Variants in CNTN4 observed in about 807,000 individuals in gnomAD.
CNTN4 encodes the protein contactin-4.
CNTN4 carries 77 observed loss-of-function variants against 122.5 expected under a neutral mutation model. That is an observed-to-expected ratio of 0.63 (90% CI 0.52 to 0.76). CNTN4 has a LOEUF of 0.76. Ranked by LOEUF, CNTN4 falls within the 30% of genes least tolerant of loss-of-function variation. CNTN4 has a pLI of 0.00. For synonymous variants in CNTN4, 512 were observed against 447.0 expected (o/e 1.15, Z -1.83); for missense variants, 1,256 against 1,259.1 (o/e 1.00, Z 0.04).
At position 3,018,439 on chromosome 3, in the gene CNTN4, T is replaced by A. The variant is rs1697967742; in HGVS notation, c.1487-7663T>A. On this transcript the variant is annotated intron_variant, in intron 14 of 24. Coordinates refer to ENST00000418658, the MANE Select transcript of CNTN4 (RefSeq NM_175607.3). ...TTACATTTTAAGTACTAAAGCAATC[T>A]GAGCAACCCTCCCTTTCCTGTCTGG... Among the ~76,000 whole-genome samples, 4 of 152,214 alleles carry A rather than the reference T, an allele frequency of 2.6e-5. No homozygotes were observed. In the South Asian group the frequency reaches 8.3e-4, roughly 31 times the overall value.
intron 4 of CNTN4, among the ~76,000 whole-genome samples, chr3:2,717,579 T>C (rs1227544028): frequency 1.3e-5 from 2 of 152,218 alleles, no homozygotes; most frequent in East Asian, 3.8e-4. Flanking sequence ...AAGTCATAAC[T>C]GTGAGTATGA....
intron 2 of CNTN4, among the ~76,000 whole-genome samples, chr3:2,106,396 G>T (rs1338162550): frequency 6.6e-6 from 1 of 152,150 alleles, no homozygotes; most frequent in African/African-American, 2.4e-5. Flanking sequence ...GGACATCCAG[G>T]CATTTCCGTA....
At chr3:2,109,864 T>C (rs2032808440) in intron 2 of CNTN4, among the ~76,000 whole-genome samples, 2 of 152,202 alleles carry the variant, frequency 1.3e-5, no homozygotes, top group Admixed American at 1.3e-4. Context: ...CCAAGCATTA[T>C]TTTTAGTGTA....
At chr3:3,032,754 C>T (rs1391707482) in intron 16 of CNTN4, among the ~76,000 whole-genome samples, 2 of 152,242 alleles carry the variant, frequency 1.3e-5, no homozygotes, top group Non-Finnish European at 2.9e-5. Context: ...TCAAACTAAT[C>T]TTCCCTTTGC....
At position 2,518,237 on chromosome 3, in the gene CNTN4, A is replaced by ATGTG. The variant is rs1559628639; in HGVS notation, c.-88-53179_-88-53178insTGTG. On this transcript the variant is annotated intron_variant, in intron 3 of 24. Transcript: ENST00000418658. ...AATATGTGTGTGTGTGTGTGTGTGCACACACGCACATGCACGCATCTAGGC... is the reference window on the plus strand; with the variant it reads ...AATATGTGTGTGTGTGTGTGTGTGCATGTGCACACGCACATGCACGCATCTAGGC... 2.0e-5 allele frequency among the ~76,000 whole-genome samples: 3 copies of ATGTG among 147,502 alleles called. No homozygotes were observed. The South Asian group carries it at 6.4e-4, about 31-fold the overall frequency.
intron 3 of CNTN4, among the ~76,000 whole-genome samples, chr3:2,507,160 C>T (rs566703883): frequency 2.6e-5 from 4 of 152,044 alleles, no homozygotes; most frequent in Non-Finnish European, 5.9e-5. Context: ...CTCAGTTCTT[C>T]GGTATTCCAA....
Position 2,902,914 on chromosome 3 carries a change from A to C in CNTN4, c.1116A>C (p.Thr372=). The change falls in exon 12 of 25, where the codon ACA becomes ACC. Residue 372 remains threonine (T), a synonymous_variant. Coordinates refer to ENST00000418658, the MANE Select transcript of CNTN4 (RefSeq NM_175607.3). ...IQIEQGTLNI[T]IVNLSDAGMY... ...TTGAGCAAGGAACACTCAACATAAC[A>C]ATAGTGAACCTCTCAGATGCTGGCA... is the stretch of plus-strand genomic sequence containing the variant. 1 of 1,613,834 alleles carries C rather than the reference A, an allele frequency of 6.2e-7. No homozygotes were observed. Among genetic ancestry groups the C allele is most frequent in the South Asian group, 1.1e-5 (1 of 91,056 alleles).
intron 6 of CNTN4, among the ~76,000 whole-genome samples, chr3:2,777,975 G>A (rs1168676614): frequency 1.3e-5 from 2 of 152,044 alleles, no homozygotes; most frequent in Non-Finnish European, 2.9e-5. Context: ...AGCACTTTGG[G>A]AGGCCGAGGT....
At chr3:2,759,432 C>T (rs2090486956) in intron 6 of CNTN4, among the ~76,000 whole-genome samples, 1 of 152,184 alleles carries the variant, frequency 6.6e-6, no homozygotes, top group Non-Finnish European at 1.5e-5. Context: ...CAGCGTGAGC[C>T]ACCATGCCTA....
chr3:2,583,268 A>G (rs2080030174), intron 4 of CNTN4, among the ~76,000 whole-genome samples: 2 of 152,190 alleles, frequency 1.3e-5, no homozygotes, highest in South Asian at 4.1e-4. Flanking sequence ...TGTTACTTCA[A>G]CAGGGAGCAT....
chr3:2,222,575 C>A (rs1331795350), intron 2 of CNTN4, among the ~76,000 whole-genome samples: 1 of 151,478 alleles, frequency 6.6e-6, no homozygotes, highest in Non-Finnish European at 1.5e-5. Flanking sequence ...GAATTGTATA[C>A]TTTGAAGGAG....
intron 4 of CNTN4, among the ~76,000 whole-genome samples, chr3:2,616,940 G>C (rs566866133): frequency 6.6e-6 from 1 of 152,044 alleles, no homozygotes; most frequent in Non-Finnish European, 1.5e-5. Context: ...CTAGCCATAC[G>C]CAGAAAACTG....
intron 3 of CNTN4, among the ~76,000 whole-genome samples, chr3:2,431,895 A>G (rs73804539): frequency 0.031 from 4,461 of 146,248 alleles, 195 homozygotes; most frequent in African/African-American, 0.1. Flanking sequence ...TTGAAACACT[A>G]AAGAGAGAGT....
At chr3:2,950,172 C>T (rs1479483068) in intron 13 of CNTN4, among the ~76,000 whole-genome samples, 1 of 152,196 alleles carries the variant, frequency 6.6e-6, no homozygotes, top group African/African-American at 2.4e-5. Context: ...TCCAGAGAGC[C>T]CTGTTTCCTC....
intron 3 of CNTN4, among the ~76,000 whole-genome samples, chr3:2,420,847 T>G (rs145601994): frequency 0.011 from 1,620 of 152,300 alleles, 18 homozygotes; most frequent in Non-Finnish European, 0.016. Flanking sequence ...CTTCTGTGAT[T>G]AACGTTTCTG....
chr3:2,239,618 C>A (rs1171850664), intron 2 of CNTN4, among the ~76,000 whole-genome samples: 1 of 151,920 alleles, frequency 6.6e-6, no homozygotes, highest in African/African-American at 2.4e-5. Flanking sequence ...TCTTAGGTTC[C>A]TTTTATTTCG....
rs144656197 is a variant in CNTN4, at chr3:2,800,186, C to T, written c.359-19300C>T. ...TTTAAAAAAAAATGAGAAATGACAT[C>T]GGTATTTTGATAGGAATTGCATTGA... On this transcript the variant is annotated intron_variant, in intron 6 of 24. Coordinates refer to ENST00000418658, the MANE Select transcript of CNTN4 (RefSeq NM_175607.3). Among the ~76,000 whole-genome samples, 268 of 150,768 alleles carry T rather than the reference C, an allele frequency of 1.8e-3. 1 individual carries two copies. The highest frequency in any genetic ancestry group is 4.0e-3 in the South Asian group (19 of 4,772).
Position 2,883,861 on chromosome 3 carries a change from T to C in CNTN4, c.755+614T>C, listed in dbSNP as rs1489465367. 2.0e-5 allele frequency among the ~76,000 whole-genome samples: 3 copies of C among 152,352 alleles called. No homozygotes were observed. The East Asian group carries it at 5.8e-4, about 29-fold the overall frequency. On this transcript the variant is annotated intron_variant, in intron 9 of 24. Transcript: ENST00000418658. ...CTAGCTAACTTTTCCTTACAGAATATATCAGACAGCATAAAGAACATGAAA... is the reference window on the plus strand; with the variant it reads ...CTAGCTAACTTTTCCTTACAGAATACATCAGACAGCATAAAGAACATGAAA...
chr3:2,568,115 G>A (rs1455450121), intron 3 of CNTN4, among the ~76,000 whole-genome samples: 1 of 151,926 alleles, frequency 6.6e-6, no homozygotes, highest in East Asian at 1.9e-4. Context: ...TTGGATACCA[G>A]CAACATTTTA....
Sources: gnomAD v4.1 joint callset for allele counts (sites outside exome capture counted in the v4.1 genomes callset) on GRCh38, gnomAD v4.1.1 for gene constraint, MANE v1.5 for transcripts, NCBI Gene and HGNC (gene_info 2026-07-23, HGNC 2026-07-21) for gene names.